The following TSC22D1 variants were observed in gnomAD, a reference collection of about 807,000 sequenced individuals.
TSC22D1 encodes TSC22 domain family member 1.
TSC22D1 carries 9 observed loss-of-function variants against 74.2 expected under a neutral mutation model. The ratio of observed to expected loss-of-function variants is 0.12; its 90% confidence interval spans 0.07 to 0.21. The LOEUF (loss-of-function observed/expected upper bound fraction) is 0.21. TSC22D1 is among the 10% of genes least tolerant of loss of function. The pLI is 1.00. For synonymous variants in TSC22D1, 586 were observed against 492.5 expected, an observed-to-expected ratio of 1.19 and a Z score of -2.51; for missense variants, 1,427 against 1,304.7, an observed-to-expected ratio of 1.09 and a Z score of -1.44.
At chr13:44,535,955 C>A (rs1031523384) in intron 1 of TSC22D1, among the ~76,000 whole-genome samples, 5 of 151,834 alleles carry the variant, frequency 3.3e-5, no homozygotes, top group African/African-American at 1.2e-4. Context: ...ATAGGAAAAG[C>A]TTATAGATTT....
At chr13:44,482,658 C>G (rs925047446) in intron 1 of TSC22D1, among the ~76,000 whole-genome samples, 6 of 152,136 alleles carry the variant, frequency 3.9e-5, no homozygotes, top group Non-Finnish European at 8.8e-5. Flanking sequence ...ACCATACTAC[C>G]CTTTACTCTA....
intron 1 of TSC22D1, among the ~76,000 whole-genome samples, chr13:44,496,190 G>C (rs1878965530): frequency 6.6e-6 from 1 of 152,162 alleles, no homozygotes; most frequent in Non-Finnish European, 1.5e-5. Context: ...GAATTAAGAA[G>C]ATATACAAAT....
chr13:44,559,515 A>G (rs1882895760), intron 1 of TSC22D1, among the ~76,000 whole-genome samples: 1 of 152,082 alleles, frequency 6.6e-6, no homozygotes, highest in Admixed American at 6.5e-5. Flanking sequence ...GGACACAACC[A>G]AGAAAAAAAA....
At chr13:44,501,389 C>A (rs1006222026) in intron 1 of TSC22D1, among the ~76,000 whole-genome samples, 1 of 152,084 alleles carries the variant, frequency 6.6e-6, no homozygotes, top group African/African-American at 2.4e-5. Context: ...AGCCCAGGTA[C>A]CTGAATTGGA....
At chr13:44,540,400 T>A (rs542477793) in intron 1 of TSC22D1, among the ~76,000 whole-genome samples, 2 of 152,278 alleles carry the variant, frequency 1.3e-5, no homozygotes, top group East Asian at 3.9e-4. Flanking sequence ...GAAGCTGAAT[T>A]TCTTCTCTGA....
chr13:44,514,149 T>C (rs1879861392), intron 1 of TSC22D1, among the ~76,000 whole-genome samples: 2 of 152,136 alleles, frequency 1.3e-5, no homozygotes, highest in Admixed American at 6.5e-5. Context: ...ATATGAATTA[T>C]TCATTAAGTG....
chr13:44,462,876 T>C (rs746050089), intron 1 of TSC22D1, among the ~76,000 whole-genome samples: 1 of 152,178 alleles, frequency 6.6e-6, no homozygotes, highest in Non-Finnish European at 1.5e-5. Flanking sequence ...TTAATGTGTT[T>C]GGGAATTTTT....
At chr13:44,548,042 A>T (rs2138132070) in intron 1 of TSC22D1, among the ~76,000 whole-genome samples, 1 of 152,336 alleles carries the variant, frequency 6.6e-6, no homozygotes, top group African/African-American at 2.4e-5. Context: ...TTATTATCAC[A>T]ACTTTACTTG....
At chr13:44,447,391 C>G (rs1875766599) in intron 1 of TSC22D1, among the ~76,000 whole-genome samples, 1 of 151,968 alleles carries the variant, frequency 6.6e-6, no homozygotes, top group Non-Finnish European at 1.5e-5. Flanking sequence ...TTGAGGAGAC[C>G]TAAAAATGCC....
chr13:44,453,147 G>A (rs1876287925), intron 1 of TSC22D1, among the ~76,000 whole-genome samples: 1 of 152,210 alleles, frequency 6.6e-6, no homozygotes, highest in Non-Finnish European at 1.5e-5. Context: ...TTGCCTCTAA[G>A]ATACCAGTGT....
rs1366357521 is a variant in TSC22D1, at chr13:44,573,382, G to C, written c.2693C>G (p.Ser898Cys). 1 of 1,614,152 alleles carries C rather than the reference G, an allele frequency of 6.2e-7. No homozygotes were observed. The highest frequency in any genetic ancestry group is 1.3e-5 in the African/African-American group (1 of 74,940). The change falls in exon 1 of 3, where the codon TCC becomes TGC. Residue 898 changes from serine to cysteine, a missense_variant. This residue lies in a region of TSC22D1 where 1,343 missense variants were observed against 1,191.5 expected (regional missense o/e 1.13). Coordinates refer to ENST00000458659, the MANE Select transcript of TSC22D1 (RefSeq NM_183422.4). ...QQIPLSSTQF[S>C]AQSLAQAIGS... ...AATTGCCTGAGCTAATGATTGTGCGGAGAACTGGGTAGAACTTAGTGGTAT... is the reference window on the plus strand; with the variant it reads ...AATTGCCTGAGCTAATGATTGTGCGCAGAACTGGGTAGAACTTAGTGGTAT...
intron 1 of TSC22D1, among the ~76,000 whole-genome samples, chr13:44,493,115 C>T (rs951687904): frequency 6.6e-6 from 1 of 152,112 alleles, no homozygotes; most frequent in African/African-American, 2.4e-5. Flanking sequence ...TTCATCTGAA[C>T]GCTGGAAAAT....
chr13:44,557,137 C>CAGTCTCAAA (rs1882699261), intron 1 of TSC22D1, among the ~76,000 whole-genome samples: 1 of 143,916 alleles, frequency 6.9e-6, no homozygotes, highest in Admixed American at 7.2e-5. Flanking sequence ...GGTAGAAACT[C>CAGTCTCAAA]AGTCTCAAAG....
At chr13:44,466,413 T>G (rs1466146431) in intron 1 of TSC22D1, among the ~76,000 whole-genome samples, 1 of 152,152 alleles carries the variant, frequency 6.6e-6, no homozygotes, top group Non-Finnish European at 1.5e-5. Flanking sequence ...GGTAGATAAG[T>G]GGGTGGCAAC....
Position 44,553,542 on chromosome 13 carries a change from G to C in TSC22D1, c.2912+19621C>G, listed in dbSNP as rs533849417. On this transcript the variant is annotated intron_variant, in intron 1 of 2. Coordinates refer to ENST00000458659, the MANE Select transcript of TSC22D1 (RefSeq NM_183422.4). ...GGCCCATATGGGACTGAGCATGGAA[G>C]AGATGGTCTTCAGGGCATAATGCCC... Among the ~76,000 whole-genome samples the C allele has an allele frequency of 1.6e-4, 24 of 152,316 alleles. No homozygotes were observed. In the South Asian group the frequency reaches 2.9e-3, roughly 18 times the overall value.
rs370742852 is a variant in TSC22D1 at position 44,551,310 on chromosome 13, G to GGTGTGTGTGTGTGT, written c.2912+21839_2912+21852dup. On this transcript the variant is annotated intron_variant, in intron 1 of 2. Transcript: ENST00000458659. ...AAACCCAAAACCCCAATCAGCTGGGGGTGTGTGTGTGTGTGTGTGTGTGTG... is the reference window on the plus strand; with the variant it reads ...AAACCCAAAACCCCAATCAGCTGGGGGTGTGTGTGTGTGTGTGTGTGTGTGTGTGTGTGTGTGTG... Among the ~76,000 whole-genome samples, 72 of 132,858 alleles carry GGTGTGTGTGTGTGT rather than the reference G, an allele frequency of 5.4e-4. 3 individuals are homozygous for GGTGTGTGTGTGTGT. The highest frequency in any genetic ancestry group is 1.8e-3 in the African/African-American group (60 of 34,020). The allele number at this position is 132,858 out of a possible 152,430, so 87.2% of individuals were successfully genotyped here. A position where few individuals can be genotyped will look rare whatever the true frequency, so the allele number is the denominator to read the frequency against.
chr13:44,454,118 T>C (rs1470499965), intron 1 of TSC22D1, among the ~76,000 whole-genome samples: 1 of 152,080 alleles, frequency 6.6e-6, no homozygotes, highest in Non-Finnish European at 1.5e-5. Flanking sequence ...CACAAACACA[T>C]AAAACTGAAT....
Position 44,574,691 on chromosome 13 carries a change from T to G in TSC22D1, c.1384A>C (p.Arg462=), listed in dbSNP as rs574155694. The part of the protein sequence containing the change: ...KQNPIEVTSE[R]ESTSGSSVSS... ...ACTGAACTCCCACTAGTGCTCTCCC[T>G]TTCAGAAGTCACTTCTATCGGATTT... Residue 462 remains arginine, a synonymous_variant, in exon 1 of 3, where the codon AGG becomes CGG. Transcript: ENST00000458659. The G allele has an allele frequency of 1.6e-5, 26 of 1,614,156 alleles. 1 individual carries two copies. The East Asian group carries it at 1.8e-4, about 11-fold the overall frequency.
intron 1 of TSC22D1, among the ~76,000 whole-genome samples, chr13:44,454,588 T>C (rs1876416023): frequency 6.6e-6 from 1 of 152,152 alleles, no homozygotes; most frequent in South Asian, 2.1e-4. Context: ...ACTATGTTTA[T>C]TGGCTTCCTT....
Sources: gnomAD v4.1 joint callset for allele counts (sites outside exome capture counted in the v4.1 genomes callset) on GRCh38, gnomAD v4.1.1 for gene constraint, gnomAD v4.1.1 regional missense constraint, MANE v1.5 for transcripts, NCBI Gene and HGNC (gene_info 2026-07-23, HGNC 2026-07-21) for gene names.